The following WWP2 variants were observed in gnomAD, a reference collection of about 807,000 sequenced individuals.
WWP2 encodes NEDD4-like E3 ubiquitin-protein ligase WWP2.
A neutral mutation model predicts 121.0 loss-of-function variants in WWP2; 57 were observed. The ratio of observed to expected loss-of-function variants is 0.47; its 90% CI spans 0.38 to 0.59. The LOEUF is 0.59. Among genes scored for constraint, WWP2 ranks in the 20% least tolerant of loss-of-function variants. The probability of loss-of-function intolerance (pLI) is 0.00; values close to 1 mark genes in which losing one functional copy is unlikely to be tolerated. For synonymous variants in WWP2, 449 were observed against 441.3 expected (o/e 1.02, Z -0.22); for missense variants, 962 against 1,158.9 (o/e 0.83, Z 2.47).
At chr16:69,808,283 T>TA (rs1177842098) in intron 4 of WWP2, among the ~76,000 whole-genome samples, 1 of 152,108 alleles carries the variant, frequency 6.6e-6, no homozygotes, top group Non-Finnish European at 1.5e-5. Context: ...TTTTTTTTTT[T>TA]AATAGAGATG....
In WWP2 at chr16:69,840,315, C is replaced by T. The variant is rs151117948; in HGVS notation, c.478+52C>T. On this transcript the variant is annotated intron_variant, in intron 5 of 23. Transcript: ENST00000359154. The stretch of plus-strand genomic sequence containing the variant: ...TGTGCCGGGACAGGGTGGGGCTGGG[C>T]GGGGGCCAGGAGGTGCTGAGAGCTT... 420 of 1,217,480 alleles carry T rather than the reference C, an allele frequency of 3.4e-4. 3 individuals are homozygous for T. The East Asian group carries it at 0.011, about 32-fold the overall frequency. The allele number at this position is 1,217,480 out of a possible 1,614,324, so 75.4% of individuals were successfully genotyped here.
In WWP2 at chr16:69,799,270, C is replaced by T. The variant is rs149179355; in HGVS notation, c.315C>T (p.Asn105=). The change falls in exon 4 of 24, where the codon AAC becomes AAT. Residue 105 remains asparagine (N), a synonymous_variant. Transcript: ENST00000359154. This position sits in a 1 kb window ranked among gnomAD's most constrained non-coding sequence, Gnocchi z 4.5. ...GCACCGCATCTGTCAACCTCTCCAACGTCTTGAAGAACAATGGGGGCAAAA... is the reference window on the plus strand; with the variant it reads ...GCACCGCATCTGTCAACCTCTCCAATGTCTTGAAGAACAATGGGGGCAAAA... ...LLGTASVNLS[N]VLKNNGGKME... The T allele has an allele frequency of 3.8e-5, 61 of 1,614,044 alleles. No homozygotes were observed. In the African/African-American group the frequency reaches 4.5e-4, roughly 12 times the overall value.
At chr16:69,908,502 T>C (rs2058332006) in intron 8 of WWP2, among the ~76,000 whole-genome samples, 1 of 152,266 alleles carries the variant, frequency 6.6e-6, no homozygotes, top group Non-Finnish European at 1.5e-5. Context: ...GTCAGTCATT[T>C]AGGGAAATTT....
chr16:69,770,996 C>T (rs183654391), intron 1 of WWP2, among the ~76,000 whole-genome samples: 1 of 150,986 alleles, frequency 6.6e-6, no homozygotes, highest in African/African-American at 2.4e-5. Flanking sequence ...AGGTAGTATT[C>T]TGTGTTGTGA....
intron 6 of WWP2, among the ~76,000 whole-genome samples, chr16:69,870,959 C>A (rs1372030171): frequency 6.6e-6 from 1 of 152,148 alleles, no homozygotes; most frequent in African/African-American, 2.4e-5. Context: ...TTCTCATTTA[C>A]TTGGATGGAT....
At chr16:69,768,468 G>T (rs2055347459) in intron 1 of WWP2, among the ~76,000 whole-genome samples, 1 of 152,098 alleles carries the variant, frequency 6.6e-6, no homozygotes, top group Non-Finnish European at 1.5e-5. Context: ...AAATTAGCTA[G>T]GCGTGGTGGC....
At chr16:69,929,307 G>T in intron 11 of WWP2, 141 bp from the exon 12 acceptor site, 1 of 691,392 alleles carries the variant, frequency 1.4e-6, no homozygotes. Flanking sequence ...GAGTGAGCTT[G>T]GCTTTGGCTG....
At chr16:69,818,596 T>C (rs1306356206) in intron 4 of WWP2, among the ~76,000 whole-genome samples, 1 of 152,198 alleles carries the variant, frequency 6.6e-6, no homozygotes, top group South Asian at 2.1e-4. Context: ...TCCGTGTTGC[T>C]AAACCCAATG....
chr16:69,898,699 G>C (rs1333256703), intron 8 of WWP2, among the ~76,000 whole-genome samples: 1 of 151,432 alleles, frequency 6.6e-6, no homozygotes, highest in African/African-American at 2.4e-5. Flanking sequence ...ATTCTTTTTT[G>C]TTGTTGTTTT....
intron 15 of WWP2, 90 bp from the exon 16 acceptor site, chr16:69,931,712 G>A: frequency 1.3e-6 from 2 of 1,573,592 alleles, no homozygotes; most frequent in Non-Finnish European, 1.7e-6. Flanking sequence ...GTGTCTGCTG[G>A]ATATTGGGCC....
At chr16:69,778,676 C>T (rs540216595) in intron 1 of WWP2, among the ~76,000 whole-genome samples, 27 of 152,290 alleles carry the variant, frequency 1.8e-4, no homozygotes, top group Admixed American at 5.9e-4. Flanking sequence ...GAGTCTCGCT[C>T]TGTTGCCCAG....
intron 6 of WWP2, among the ~76,000 whole-genome samples, chr16:69,845,865 C>T (rs1004273248): frequency 3.3e-5 from 5 of 151,302 alleles, no homozygotes; most frequent in Admixed American, 2.6e-4. Flanking sequence ...GGCTGGCCAA[C>T]ATGGTGAAAC....
intron 9 of WWP2, among the ~76,000 whole-genome samples, chr16:69,915,448 C>T (rs1191630977): frequency 6.6e-6 from 1 of 152,118 alleles, no homozygotes; most frequent in Non-Finnish European, 1.5e-5. Flanking sequence ...CTTGGTGGTG[C>T]ACACCTGAGA....
At chr16:69,768,670 G>C (rs1365635698) in intron 1 of WWP2, among the ~76,000 whole-genome samples, 1 of 152,066 alleles carries the variant, frequency 6.6e-6, no homozygotes, top group Non-Finnish European at 1.5e-5. Flanking sequence ...CTGACCTAGG[G>C]CCCGTCCTCT....
chr16:69,840,768 T>C lies in WWP2; in HGVS notation c.478+505T>C, dbSNP rs376411654. 3.3e-5 allele frequency among the ~76,000 whole-genome samples: 5 copies of C among 152,202 alleles called. No individual in the cohort carries two copies. In the East Asian group the frequency reaches 9.6e-4, roughly 29 times the overall value. On this transcript the variant is annotated intron_variant, in intron 5 of 23. Transcript: ENST00000359154. ...TGTTTCTTTTGATCTAGTCTGAAAT[T>C]AGTCACCTTTGGATCTAGCAGGAAA... is the stretch of plus-strand genomic sequence containing the variant.
intron 8 of WWP2, among the ~76,000 whole-genome samples, chr16:69,901,743 C>T (rs1379073593): frequency 6.6e-6 from 1 of 152,140 alleles, no homozygotes; most frequent in Non-Finnish European, 1.5e-5. Context: ...CTTACCAAGA[C>T]TGAAATTTTG....
Position 69,871,855 on chromosome 16 carries a change from G to A in WWP2, c.627G>A (p.Glu209=), listed in dbSNP as rs1304840077. 1 of 1,614,000 alleles carries A rather than the reference G, an allele frequency of 6.2e-7. No homozygotes were observed. Among genetic ancestry groups the A allele is most frequent in the Non-Finnish European group, 8.5e-7 (1 of 1,180,050 alleles). Residue 209 remains glutamate, a synonymous_variant, in exon 7 of 24, where the codon GAG becomes GAA. Coordinates refer to ENST00000359154, the MANE Select transcript of WWP2 (RefSeq NM_001270454.2). ...ASARTTPATG[E]QSPGARSRHR... ...CCAGAACAACCCCAGCAACCGGCGA[G>A]CAAAGCCCCGGTGCTCGGAGCCGGC...
intron 1 of WWP2, among the ~76,000 whole-genome samples, chr16:69,772,547 C>T (rs2055439565): frequency 6.6e-6 from 1 of 152,166 alleles, no homozygotes; most frequent in Admixed American, 6.5e-5. Flanking sequence ...CAGGGCTACG[C>T]TATAGGCAGT....
At chr16:69,873,292 G>A (rs866451863) in intron 7 of WWP2, among the ~76,000 whole-genome samples, 8 of 152,350 alleles carry the variant, frequency 5.3e-5, no homozygotes, top group East Asian at 3.9e-4. Context: ...CAGAGTCCCC[G>A]TGGCTGCTGC....
Sources: gnomAD v4.1 joint callset for allele counts (sites outside exome capture counted in the v4.1 genomes callset) on GRCh38, gnomAD v4.1.1 for gene constraint, Gnocchi (gnomAD v3.1) non-coding constraint, MANE v1.5 for transcripts, NCBI Gene and HGNC (gene_info 2026-07-23, HGNC 2026-07-21) for gene names.